Variants in GALNT5 observed in about 807,000 individuals in gnomAD.
The protein encoded by GALNT5 is polypeptide N-acetylgalactosaminyltransferase 5.
GALNT5 carries 72 observed loss-of-function variants against 85.4 expected under a neutral mutation model. The observed-to-expected ratio is 0.84, with a 90% confidence interval of 0.70 to 1.03. The LOEUF is 1.03. Among genes scored for constraint, GALNT5 ranks in the 50% least tolerant of loss-of-function variants. The pLI is 0.00. For missense variants in GALNT5, 1,137 were observed against 1,135.5 expected (o/e 1.00, Z -0.02); for synonymous variants, 404 against 397.0 (o/e 1.02, Z -0.21).
chr2:157,260,535 CAATAT>C (rs1376508844), intron 1 of GALNT5, among the ~76,000 whole-genome samples: 1 of 152,192 alleles, frequency 6.6e-6, no homozygotes, highest in Admixed American at 6.5e-5. Context: ...GCCGTATGTT[CAATAT>C]CTGTTAACTC....
chr2:157,284,534 G>C, intron 2 of GALNT5, 86 bp downstream of exon 2: 3 of 945,976 alleles, frequency 3.2e-6, no homozygotes, highest in Non-Finnish European at 3.3e-6. Flanking sequence ...CAAAATTATA[G>C]GATAATTTGA....
intron 3 of GALNT5, among the ~76,000 whole-genome samples, chr2:157,287,683 G>A (rs6437044): frequency 0.49 from 74,765 of 151,980 alleles, 20,979 homozygotes; most frequent in Non-Finnish European, 0.65. Context: ...CCCAAAGGCC[G>A]TATGCCTTCT....
At position 157,258,787 on chromosome 2, in the gene GALNT5, A is replaced by C; in HGVS notation, c.705A>C (p.Ala235=). 6.2e-7 allele frequency: 1 copy of C among 1,607,144 alleles called. No homozygotes were observed. Reference sequence around the variant, plus strand: ...CAAAGCAGCGATCACAGGCAGTAGCAAACGAGAGGGCACACCCTGCCAGCA... The same window carrying C: ...CAAAGCAGCGATCACAGGCAGTAGCCAACGAGAGGGCACACCCTGCCAGCA... ...DRPKQRSQAV[A]NERAHPASTA... Residue 235 remains alanine, a synonymous_variant, in exon 1 of 10, where the codon GCA becomes GCC. Coordinates refer to ENST00000259056, the MANE Select transcript of GALNT5 (RefSeq NM_014568.3).
intron 5 of GALNT5, 66 bp from the exon 6 acceptor site, chr2:157,299,482 G>T: frequency 1.1e-6 from 1 of 915,792 alleles, no homozygotes; most frequent in Non-Finnish European, 1.8e-6. Flanking sequence ...GATGTACAGA[G>T]GAACAACTCT....
intron 1 of GALNT5, among the ~76,000 whole-genome samples, chr2:157,262,703 C>G (rs187629656): frequency 6.6e-6 from 1 of 151,344 alleles, no homozygotes; most frequent in African/African-American, 2.5e-5. Flanking sequence ...TCCAGGACAA[C>G]TTCTCTTACT....
chr2:157,293,749 TATTA>T (rs1683151364), intron 3 of GALNT5, among the ~76,000 whole-genome samples: 1 of 151,894 alleles, frequency 6.6e-6, no homozygotes, highest in Non-Finnish European at 1.5e-5. Context: ...TGCTAAATTC[TATTA>T]ATTGAGAGGT....
At chr2:157,260,201 A>C (rs1211776280) in intron 1 of GALNT5, among the ~76,000 whole-genome samples, 1 of 152,212 alleles carries the variant, frequency 6.6e-6, no homozygotes, top group Non-Finnish European at 1.5e-5. Context: ...AATAATAATC[A>C]CTTATATTTG....
intron 5 of GALNT5, among the ~76,000 whole-genome samples, chr2:157,297,374 T>C (rs1031045322): frequency 1.3e-5 from 2 of 152,152 alleles, no homozygotes; most frequent in Non-Finnish European, 2.9e-5. Flanking sequence ...CTAACTCTCT[T>C]CCTAACTCTA....
In GALNT5 at chr2:157,258,435, T is replaced by C. The variant is rs753057746; in HGVS notation, c.353T>C (p.Leu118Pro). 6.2e-7 allele frequency: 1 copy of C among 1,609,164 alleles called. No individual in the cohort carries two copies. The highest frequency in any genetic ancestry group is 2.2e-5 in the East Asian group (1 of 44,766). Residue 118 changes from leucine (L) to proline (P), a missense_variant, in exon 1 of 10, where the codon CTG (leucine) becomes CCG (proline). Coordinates refer to ENST00000259056, the MANE Select transcript of GALNT5 (RefSeq NM_014568.3). ...TQRERKMQNA[L>P]GRGKVVPLWH... is the part of the protein sequence containing the mutation. ...AGGGAAAGAAAAATGCAGAATGCCCTGGGAAGGGGCAAGGTTGTGCCGTTG... is the reference window on the plus strand; with the variant it reads ...AGGGAAAGAAAAATGCAGAATGCCCCGGGAAGGGGCAAGGTTGTGCCGTTG...
rs781558500 is a variant in GALNT5 at position 157,299,605 on chromosome 2, T to G, written c.2055T>G (p.Leu685=). 2.5e-6 allele frequency: 4 copies of G among 1,613,584 alleles called. No individual in the cohort carries two copies. The highest frequency in any genetic ancestry group is 3.4e-6 in the Non-Finnish European group (4 of 1,179,486). ...FSIDKSYFFE[L]GTYDPGLDVW... is the part of the protein sequence containing the mutation. ...TTGACAAAAGTTACTTTTTTGAACT[T>G]GGAACATACGACCCTGGCCTTGATG... Residue 685 remains leucine, a synonymous_variant, in exon 6 of 10, where the codon CTT becomes CTG. Transcript: ENST00000259056.
chr2:157,304,985 A>G (rs1263370208), intron 7 of GALNT5, among the ~76,000 whole-genome samples: 1 of 152,188 alleles, frequency 6.6e-6, no homozygotes, highest in African/African-American at 2.4e-5. Context: ...GACATGTCCT[A>G]TAGATTCGGC....
At position 157,296,424 on chromosome 2, in the gene GALNT5, C is replaced by T. The variant is rs1461489832; in HGVS notation, c.1908C>T (p.Gly636=). The T allele has an allele frequency of 6.2e-7, 1 of 1,609,260 alleles. No homozygotes were observed. The change falls in exon 5 of 10, where the codon GGC becomes GGT. Residue 636 remains glycine (G), a synonymous_variant. Coordinates refer to ENST00000259056, the MANE Select transcript of GALNT5 (RefSeq NM_014568.3). ...SYMTVDNFQR[G]IFVWPMNFGW... Reference sequence around the variant, plus strand: ...TGACAGTGGATAACTTTCAAAGAGGCATCTTTGTGTGGCCCATGAACTTTG... The same window carrying T: ...TGACAGTGGATAACTTTCAAAGAGGTATCTTTGTGTGGCCCATGAACTTTG...
intron 2 of GALNT5, among the ~76,000 whole-genome samples, chr2:157,284,783 C>T (rs556919016): frequency 3.5e-4 from 53 of 152,258 alleles, no homozygotes; most frequent in African/African-American, 1.2e-3. Flanking sequence ...TCACAATTAA[C>T]GGGAGGCCTT....
intron 9 of GALNT5, among the ~76,000 whole-genome samples, chr2:157,309,285 A>G (rs765979225): frequency 3.3e-5 from 5 of 152,170 alleles, no homozygotes; most frequent in Non-Finnish European, 7.3e-5. Context: ...ATTTAATCAT[A>G]CCACATTGGT....
At chr2:157,307,748 A>G (rs1683483707) in intron 8 of GALNT5, among the ~76,000 whole-genome samples, 1 of 152,224 alleles carries the variant, frequency 6.6e-6, no homozygotes, top group African/African-American at 2.4e-5. Flanking sequence ...AGGCATTTAG[A>G]TAGATTTTAC....
rs749642637 is a variant in GALNT5 at position 157,305,814 on chromosome 2, C to A, written c.2505C>A (p.Cys835Ter). 4 of 1,596,926 alleles carry A rather than the reference C, an allele frequency of 2.5e-6. No individual in the cohort carries two copies. Among genetic ancestry groups the A allele is most frequent in the Middle Eastern group, 1.7e-4 (1 of 6,034 alleles). ...ACACTACAGTCATTCTGGAAGACTG[C>A]GATGGGAGCAAAGAGGTATGCTAAA... ...IENTTVILEDCDGSKELQQFN... is the reference protein window; with the variant it reads ...IENTTVILED Residue 835 changes from cysteine (C) to a stop codon, truncating the protein, a stop_gained, in exon 8 of 10, where the codon TGC (cysteine) becomes TGA (stop). Transcript: ENST00000259056. LOFTEE classifies it high-confidence loss of function.
chr2:157,286,371 AC>A (rs1682971713), intron 3 of GALNT5, among the ~76,000 whole-genome samples: 1 of 152,172 alleles, frequency 6.6e-6, no homozygotes, highest in South Asian at 2.1e-4. Flanking sequence ...ATCATACTGC[AC>A]CCCTAAGTAC....
intron 5 of GALNT5, among the ~76,000 whole-genome samples, chr2:157,297,234 G>A (rs1327938666): frequency 2.0e-5 from 3 of 152,144 alleles, no homozygotes; most frequent in Non-Finnish European, 4.4e-5. Context: ...GCACCGAAGC[G>A]TGTTTTCCCC....
chr2:157,309,586 A>G (rs1683525470), intron 9 of GALNT5, among the ~76,000 whole-genome samples: 1 of 152,172 alleles, frequency 6.6e-6, no homozygotes, highest in South Asian at 2.1e-4. Flanking sequence ...TCTACAGTAA[A>G]TATTTGGGTA....
Sources: allele counts gnomAD v4.1 joint callset (sites outside exome capture counted in the v4.1 genomes callset), GRCh38; gene constraint gnomAD v4.1.1; transcripts MANE v1.5; gene names NCBI Gene and HGNC (gene_info 2026-07-23, HGNC 2026-07-21).